The following CNTN4 variants were observed in gnomAD, a reference collection of about 807,000 sequenced individuals.
CNTN4 encodes the protein contactin-4.
Under a neutral mutation model 122.5 loss-of-function variants are expected in CNTN4, and 77 were observed. The ratio of observed to expected loss-of-function variants is 0.63; its 90% CI spans 0.52 to 0.76. The LOEUF (loss-of-function observed/expected upper bound fraction) is 0.76. CNTN4 is among the 30% of genes least tolerant of loss of function. CNTN4 has a pLI of 0.00. For synonymous variants in CNTN4, 512 were observed against 447.0 expected, an observed-to-expected ratio of 1.15 and a Z score of -1.83; for missense variants, 1,256 against 1,259.1, an observed-to-expected ratio of 1.00 and a Z score of 0.04.
At chr3:2,811,222 C>T (rs2092599713) in intron 6 of CNTN4, among the ~76,000 whole-genome samples, 1 of 151,126 alleles carries the variant, frequency 6.6e-6, no homozygotes, top group Non-Finnish European at 1.5e-5. Context: ...CCAGCCTGGC[C>T]AATGTGGGAA....
rs532608616 is a variant in CNTN4 at position 2,746,488 on chromosome 3, C to T, written c.358+791C>T. On this transcript the variant is annotated intron_variant, in intron 6 of 24. Coordinates refer to ENST00000418658, the MANE Select transcript of CNTN4 (RefSeq NM_175607.3). ...GCAATTAGCATACATTTGGGTATAG[C>T]CACCTTTGAGGATTGAGGTTCAGCT... Among the ~76,000 whole-genome samples the T allele has an allele frequency of 2.0e-5, 3 of 152,308 alleles. No individual in the cohort carries two copies. In the East Asian group the frequency reaches 5.8e-4, roughly 29 times the overall value.
chr3:2,116,382 A>G (rs1170058902), intron 2 of CNTN4, among the ~76,000 whole-genome samples: 1 of 152,132 alleles, frequency 6.6e-6, no homozygotes, highest in African/African-American at 2.4e-5. Flanking sequence ...GACTAAATAT[A>G]AACTCTGTGG....
chr3:2,135,899 C>G (rs2034670010), intron 2 of CNTN4, among the ~76,000 whole-genome samples: 1 of 152,160 alleles, frequency 6.6e-6, no homozygotes, highest in South Asian at 2.1e-4. Flanking sequence ...TTTTCATCAC[C>G]CTTCTGGTAA....
At chr3:2,965,825 G>A (rs1366405677) in intron 13 of CNTN4, among the ~76,000 whole-genome samples, 1 of 152,044 alleles carries the variant, frequency 6.6e-6, no homozygotes, top group Non-Finnish European at 1.5e-5. Context: ...TTTTCTGCAT[G>A]TCGTCCCCTG....
chr3:2,580,477 G>A (rs897251044), intron 4 of CNTN4, among the ~76,000 whole-genome samples: 1 of 152,078 alleles, frequency 6.6e-6, no homozygotes, highest in African/African-American at 2.4e-5. Context: ...AAAATAGCAC[G>A]TAAAAGCCCT....
intron 6 of CNTN4, among the ~76,000 whole-genome samples, chr3:2,781,964 C>A (rs1478728796): frequency 6.7e-6 from 1 of 150,148 alleles, no homozygotes; most frequent in Non-Finnish European, 1.5e-5. Context: ...ACCTCGTGAT[C>A]CCCCCGCCTC....
intron 13 of CNTN4, among the ~76,000 whole-genome samples, chr3:2,965,330 G>T (rs1396860908): frequency 1.3e-5 from 2 of 152,164 alleles, no homozygotes. Flanking sequence ...CCCTAGTTCA[G>T]GTTTTCTCTT....
chr3:2,474,829 G>A (rs1294258634), intron 3 of CNTN4, among the ~76,000 whole-genome samples: 2 of 152,088 alleles, frequency 1.3e-5, no homozygotes, highest in Non-Finnish European at 2.9e-5. Flanking sequence ...TGTAGTTTTA[G>A]AATTAATATT....
At position 2,347,795 on chromosome 3, in the gene CNTN4, ATT is replaced by A. The variant is rs63386961; in HGVS notation, c.-89+8572_-89+8573del. On this transcript the variant is annotated intron_variant, in intron 3 of 24. Transcript: ENST00000418658. ...CACTGCACGGCTACTCCAAATGTTC[ATT>A]TTTTTTTTTAATTTCAATTTCTTGT... Among the ~76,000 whole-genome samples the A allele has an allele frequency of 8.6e-5, 13 of 150,632 alleles. 1 individual carries two copies. Among genetic ancestry groups the A allele is most frequent in the African/African-American group, 2.4e-4 (10 of 40,820 alleles).
intron 3 of CNTN4, among the ~76,000 whole-genome samples, chr3:2,560,812 C>T (rs767606851): frequency 2.0e-5 from 3 of 152,154 alleles, no homozygotes; most frequent in Non-Finnish European, 4.4e-5. Flanking sequence ...ATTGCTGTAT[C>T]GTACTGCACG....
intron 10 of CNTN4, among the ~76,000 whole-genome samples, chr3:2,888,979 C>A (rs1295091880): frequency 2.7e-5 from 4 of 148,830 alleles, no homozygotes; most frequent in Non-Finnish European, 4.4e-5. Flanking sequence ...ACCAGGCAGA[C>A]TAATAAAGCT....
chr3:2,299,958 G>T (rs1575311152), intron 2 of CNTN4, among the ~76,000 whole-genome samples: 3 of 152,014 alleles, frequency 2.0e-5, no homozygotes, highest in African/African-American at 7.2e-5. Context: ...GTTTGTCAGG[G>T]TCATATTTTA....
intron 7 of CNTN4, among the ~76,000 whole-genome samples, chr3:2,848,312 C>T (rs1408058436): frequency 6.6e-6 from 1 of 152,114 alleles, no homozygotes. Flanking sequence ...GAGTAGAAAT[C>T]TGGGGAAGAA....
At chr3:2,428,648 A>G (rs1025492505) in intron 3 of CNTN4, among the ~76,000 whole-genome samples, 18 of 152,148 alleles carry the variant, frequency 1.2e-4, no homozygotes, top group Non-Finnish European at 1.9e-4. Context: ...GTTCTCCCAG[A>G]TAATATCCTG....
At chr3:3,039,107 A>G in intron 19 of CNTN4, 104 bp downstream of exon 19, 1 of 1,027,012 alleles carries the variant, frequency 9.7e-7, no homozygotes, top group Non-Finnish European at 1.5e-6. Flanking sequence ...TGTTTTTAAC[A>G]GTGAAAATTC....
At chr3:2,917,677 A>C (rs1168996235) in intron 12 of CNTN4, among the ~76,000 whole-genome samples, 1 of 152,168 alleles carries the variant, frequency 6.6e-6, no homozygotes, top group African/African-American at 2.4e-5. Context: ...AATTGAGTTT[A>C]TTTGAGGTGC....
At chr3:2,658,280 C>T (rs1045044304) in intron 4 of CNTN4, among the ~76,000 whole-genome samples, 1 of 151,482 alleles carries the variant, frequency 6.6e-6, no homozygotes, top group African/African-American at 2.4e-5. Flanking sequence ...AGCAAGAGTC[C>T]CTGTTTTCCT....
intron 2 of CNTN4, among the ~76,000 whole-genome samples, chr3:2,137,015 C>T (rs556734040): frequency 6.6e-6 from 1 of 152,074 alleles, no homozygotes; most frequent in Non-Finnish European, 1.5e-5. Context: ...TGTGACATAA[C>T]AAATTAGAAT....
At chr3:2,751,211 G>A (rs1397359067) in intron 6 of CNTN4, among the ~76,000 whole-genome samples, 1 of 152,110 alleles carries the variant, frequency 6.6e-6, no homozygotes, top group Admixed American at 6.5e-5. Flanking sequence ...GGGAGGCTGA[G>A]GCAGGAGAAT....
Sources: gnomAD v4.1 joint callset for allele counts (sites outside exome capture counted in the v4.1 genomes callset) on GRCh38, gnomAD v4.1.1 for gene constraint, MANE v1.5 for transcripts, NCBI Gene and HGNC (gene_info 2026-07-23, HGNC 2026-07-21) for gene names.